Variants in DSCAM observed in about 807,000 individuals in gnomAD.
DSCAM encodes DS cell adhesion molecule.
A neutral mutation model predicts 217.7 loss-of-function variants in DSCAM; 47 were observed. The observed-to-expected ratio is 0.22, with a 90% CI of 0.17 to 0.28. The LOEUF is 0.28. DSCAM is among the 10% of genes least tolerant of loss of function. The pLI, the probability that DSCAM is intolerant of heterozygous loss-of-function variation, is 1.00. For missense variants in DSCAM, 2,080 were observed against 2,618.3 expected (o/e 0.79, Z 4.49); for synonymous variants, 1,056 against 1,015.3 (o/e 1.04, Z -0.76).
chr21:40,296,705 C>T (rs1190192199), intron 9 of DSCAM, among the ~76,000 whole-genome samples: 2 of 151,836 alleles, frequency 1.3e-5, no homozygotes, highest in Non-Finnish European at 2.9e-5. Flanking sequence ...GTGGCGCATG[C>T]CTGTAATCCT....
intron 9 of DSCAM, among the ~76,000 whole-genome samples, chr21:40,297,607 G>T (rs1210946726): frequency 6.6e-6 from 1 of 152,196 alleles, no homozygotes; most frequent in African/African-American, 2.4e-5. Flanking sequence ...GCCTAAGTTA[G>T]CAAGGGGCTT....
chr21:40,214,789 T>G lies in DSCAM; in HGVS notation c.2357-25551A>C, dbSNP rs114208137. 4.5e-3 allele frequency among the ~76,000 whole-genome samples: 652 copies of G among 145,556 alleles called. 7 individuals are homozygous for G. Among genetic ancestry groups the G allele is most frequent in the African/African-American group, 0.016 (628 of 39,468 alleles). On this transcript the variant is annotated intron_variant, in intron 11 of 32. Transcript: ENST00000400454. ...ACAACAAGAAAAAGACAAAGGTCAC[T>G]ATATAATGATAAAATGACCAATTAA...
intron 30 of DSCAM, 103 bp from the exon 31 acceptor site, chr21:40,044,378 C>G (rs1016332777): frequency 8.4e-7 from 1 of 1,191,206 alleles, no homozygotes; most frequent in Non-Finnish European, 1.2e-6. Flanking sequence ...GCCGACTCGC[C>G]CACGCCCTCC....
Position 40,075,018 on chromosome 21 carries a change from C to T in DSCAM, c.4888+19G>A. On this transcript the variant is annotated intron_variant, in intron 27 of 32. Transcript: ENST00000400454. ...GCAGCAGGGGACACGCGTAGGTGGA[C>T]AGCTGGGCCTGGACCTACCTCGCAG... 1 of 1,613,050 alleles carries T rather than the reference C, an allele frequency of 6.2e-7. No individual in the cohort carries two copies. The highest frequency in any genetic ancestry group is 2.2e-5 in the East Asian group (1 of 44,858).
At chr21:40,555,943 T>C (rs571151121) in intron 3 of DSCAM, among the ~76,000 whole-genome samples, 2 of 152,284 alleles carry the variant, frequency 1.3e-5, no homozygotes, top group East Asian at 1.9e-4. Context: ...ACAGCTCAAC[T>C]GAGGTAGGGG....
intron 12 of DSCAM, 57 bp from the exon 13 acceptor site, chr21:40,188,044 C>A: frequency 7.3e-7 from 1 of 1,366,148 alleles, no homozygotes; most frequent in South Asian, 1.3e-5. Flanking sequence ...GACTTTGAGC[C>A]GTAAAGCTCT....
chr21:40,093,164 C>A (rs747867814), intron 21 of DSCAM, among the ~76,000 whole-genome samples: 4 of 152,146 alleles, frequency 2.6e-5, no homozygotes, highest in Non-Finnish European at 1.5e-5. Context: ...AAGAATACCC[C>A]GTGCCTGCGT....
intron 3 of DSCAM, among the ~76,000 whole-genome samples, chr21:40,417,202 T>C (rs1327316703): frequency 6.6e-6 from 1 of 152,224 alleles, no homozygotes; most frequent in Non-Finnish European, 1.5e-5. Context: ...TCATTTTTTA[T>C]TGCCAATATA....
At chr21:40,032,655 G>C (rs895472092) in intron 32 of DSCAM, among the ~76,000 whole-genome samples, 2 of 151,274 alleles carry the variant, frequency 1.3e-5, no homozygotes, top group Non-Finnish European at 3.0e-5. Context: ...GATCTCGTCT[G>C]TCTCTGGTAT....
At chr21:40,496,723 A>G (rs796222898) in intron 3 of DSCAM, among the ~76,000 whole-genome samples, 1 of 152,156 alleles carries the variant, frequency 6.6e-6, no homozygotes, top group African/African-American at 2.4e-5. Flanking sequence ...ATAAGAGAAT[A>G]TATTTTCAAG....
intron 3 of DSCAM, among the ~76,000 whole-genome samples, chr21:40,619,295 T>C (rs75612390): frequency 1.1e-3 from 166 of 152,276 alleles, no homozygotes; most frequent in Non-Finnish European, 2.1e-3. Flanking sequence ...AATATACACA[T>C]TTAATAATAT....
intron 3 of DSCAM, among the ~76,000 whole-genome samples, chr21:40,562,636 A>T (rs2076729355): frequency 6.6e-6 from 1 of 152,200 alleles, no homozygotes; most frequent in African/African-American, 2.4e-5. Context: ...GCTCATTAGA[A>T]AGTGATCAGA....
chr21:40,409,851 A>G (rs533653848), intron 3 of DSCAM, among the ~76,000 whole-genome samples: 68 of 152,368 alleles, frequency 4.5e-4, no homozygotes, highest in Middle Eastern at 3.4e-3. Context: ...CAAGTAACTC[A>G]ACTGCATCCC....
intron 3 of DSCAM, among the ~76,000 whole-genome samples, chr21:40,426,769 T>C (rs1379216508): frequency 6.6e-6 from 1 of 152,068 alleles, no homozygotes; most frequent in Admixed American, 6.6e-5. Context: ...ACAGCAAACA[T>C]GACAATGGGA....
chr21:40,667,277 C>G (rs975683287), intron 3 of DSCAM, among the ~76,000 whole-genome samples: 1 of 152,150 alleles, frequency 6.6e-6, no homozygotes, highest in Non-Finnish European at 1.5e-5. Flanking sequence ...AAGCTGAGTT[C>G]ATGTTATTTC....
intron 11 of DSCAM, among the ~76,000 whole-genome samples, chr21:40,267,152 T>A (rs2073549251): frequency 6.6e-6 from 1 of 151,766 alleles, no homozygotes; most frequent in South Asian, 2.1e-4. Context: ...GTCATCAAAG[T>A]CACTTGTACC....
intron 9 of DSCAM, among the ~76,000 whole-genome samples, chr21:40,311,431 G>A (rs1023527201): frequency 6.6e-6 from 1 of 152,168 alleles, no homozygotes. Context: ...TTCAAAATAA[G>A]ACTGAAGCTT....
intron 8 of DSCAM, among the ~76,000 whole-genome samples, chr21:40,323,728 T>C (rs2074285658): frequency 6.6e-6 from 1 of 152,180 alleles, no homozygotes; most frequent in Non-Finnish European, 1.5e-5. Context: ...CTACAATGAT[T>C]TTAAACAAAG....
intron 11 of DSCAM, among the ~76,000 whole-genome samples, chr21:40,220,263 A>G (rs964337396): frequency 1.3e-5 from 2 of 152,182 alleles, no homozygotes; most frequent in Non-Finnish European, 2.9e-5. Flanking sequence ...CTCTTTCTCC[A>G]TGAACCAACC....
Sources: gnomAD v4.1 joint callset for allele counts (sites outside exome capture counted in the v4.1 genomes callset) on GRCh38, gnomAD v4.1.1 for gene constraint, MANE v1.5 for transcripts, NCBI Gene and HGNC (gene_info 2026-07-23, HGNC 2026-07-21) for gene names.